AGPAT3: variants seen among roughly 807,000 people sequenced by gnomAD.
The protein encoded by AGPAT3 is 1-acylglycerol-3-phosphate O-acyltransferase 3.
AGPAT3 carries 5 observed loss-of-function variants against 47.3 expected under a neutral mutation model. That is an observed-to-expected ratio of 0.11 (90% CI 0.06 to 0.22). AGPAT3 has a LOEUF of 0.22. Ranked by LOEUF, AGPAT3 falls within the 10% of genes least tolerant of loss-of-function variation. The pLI is 1.00. For missense variants in AGPAT3, 315 were observed against 493.0 expected (o/e 0.64, Z 3.42); for synonymous variants, 212 against 208.3 (o/e 1.02, Z -0.15).
At position 43,967,926 on chromosome 21, in the gene AGPAT3, C is replaced by T. The variant is rs377075984; in HGVS notation, c.179-20C>T. 112 of 1,610,022 alleles carry T rather than the reference C, an allele frequency of 7.0e-5. No individual in the cohort carries two copies. Among genetic ancestry groups the T allele is most frequent in the Middle Eastern group, 1.6e-4 (1 of 6,068 alleles). On this transcript the variant is annotated intron_variant, in intron 3 of 9. Coordinates refer to ENST00000291572, the MANE Select transcript of AGPAT3 (RefSeq NM_020132.5). ...GGAGGAGGGGTCCTACCAGTGCCAACGCCCTCCCCCTGTCCGCAGAACTGG... is the reference window on the plus strand; with the variant it reads ...GGAGGAGGGGTCCTACCAGTGCCAATGCCCTCCCCCTGTCCGCAGAACTGG...
chr21:43,878,526 G>T (rs1343776971), intron 1 of AGPAT3, among the ~76,000 whole-genome samples: 1 of 152,220 alleles, frequency 6.6e-6, no homozygotes, highest in Admixed American at 6.5e-5. Context: ...AATATGATGG[G>T]CATCCTTGTA....
chr21:43,980,407 G>T (rs1463605484), intron 8 of AGPAT3, among the ~76,000 whole-genome samples: 1 of 152,240 alleles, frequency 6.6e-6, no homozygotes, highest in Non-Finnish European at 1.5e-5. Flanking sequence ...ATCAGGCATG[G>T]TGATTTCCTG....
chr21:43,869,060 CTT>C (rs554856917), intron 1 of AGPAT3, among the ~76,000 whole-genome samples: 329 of 152,366 alleles, frequency 2.2e-3, no homozygotes, highest in African/African-American at 7.7e-3. Flanking sequence ...CATTTAAACA[CTT>C]TTCACTTGTA....
At chr21:43,924,102 C>T (rs1401512565) in intron 2 of AGPAT3, among the ~76,000 whole-genome samples, 1 of 152,108 alleles carries the variant, frequency 6.6e-6, no homozygotes, top group African/African-American at 2.4e-5. Flanking sequence ...CTGCAAGCTC[C>T]ACCTCCTGGG....
intron 2 of AGPAT3, among the ~76,000 whole-genome samples, chr21:43,958,953 A>T (rs1477113151): frequency 1.8e-4 from 10 of 54,152 alleles, no homozygotes; most frequent in Non-Finnish European, 3.5e-5. Flanking sequence ...TGTGGCGTGT[A>T]TGTGGTTTTG....
At chr21:43,945,379 C>T (rs992055229) in intron 2 of AGPAT3, among the ~76,000 whole-genome samples, 2 of 152,230 alleles carry the variant, frequency 1.3e-5, no homozygotes, top group Non-Finnish European at 1.5e-5. Context: ...GGAGCATTTT[C>T]ATTCACATTA....
intron 2 of AGPAT3, among the ~76,000 whole-genome samples, chr21:43,907,229 A>T (rs181271405): frequency 1.6e-4 from 24 of 151,722 alleles, no homozygotes; most frequent in Non-Finnish European, 2.5e-4. Flanking sequence ...GGGTTTTGCC[A>T]TGTTGCCCAG....
At chr21:43,873,972 G>T (rs1321618447) in intron 1 of AGPAT3, among the ~76,000 whole-genome samples, 3 of 152,230 alleles carry the variant, frequency 2.0e-5, no homozygotes, top group African/African-American at 7.2e-5. Flanking sequence ...TTACTGAATT[G>T]AAACATTTTC....
intron 3 of AGPAT3, among the ~76,000 whole-genome samples, chr21:43,962,483 C>T (rs2088922894): frequency 6.6e-6 from 1 of 152,158 alleles, no homozygotes; most frequent in African/African-American, 2.4e-5. Flanking sequence ...TACTTTCTAG[C>T]AGTATTCTGA....
In AGPAT3 at chr21:43,985,342, G is replaced by A. The variant is rs76983019; in HGVS notation, c.*2950G>A. ...GCGCAGTCTGGTGGAAGAGATGAGCGCTGAACAAATCACTAAATAACACAA... is the reference window on the plus strand; with the variant it reads ...GCGCAGTCTGGTGGAAGAGATGAGCACTGAACAAATCACTAAATAACACAA... On this transcript the variant is annotated 3_prime_UTR_variant, in exon 10 of 10. Coordinates refer to ENST00000291572, the MANE Select transcript of AGPAT3 (RefSeq NM_020132.5). 0.031 allele frequency: 11,440 copies of A among 372,844 alleles called. 248 individuals carry two copies. Among genetic ancestry groups the A allele is most frequent in the Non-Finnish European group, 0.041 (7,746 of 186,780 alleles). The allele number at this position is 372,844 out of a possible 1,614,324, so 23.1% of individuals were successfully genotyped here.
intron 2 of AGPAT3, among the ~76,000 whole-genome samples, chr21:43,906,080 GA>G (rs927964413): frequency 1.3e-5 from 2 of 152,226 alleles, no homozygotes; most frequent in Admixed American, 1.3e-4. Flanking sequence ...TGGGGACAGG[GA>G]CATCACGGTT....
At chr21:43,911,485 C>G (rs1027780822) in intron 2 of AGPAT3, among the ~76,000 whole-genome samples, 21 of 152,274 alleles carry the variant, frequency 1.4e-4, no homozygotes, top group African/African-American at 5.1e-4. Flanking sequence ...CTGGCCCTCA[C>G]AGCTCCCTGG....
At chr21:43,943,042 A>T (rs962949753) in intron 2 of AGPAT3, among the ~76,000 whole-genome samples, 1 of 152,108 alleles carries the variant, frequency 6.6e-6, no homozygotes, top group Non-Finnish European at 1.5e-5. Flanking sequence ...GCCAGGGTGC[A>T]TGGTCATGCT....
intron 2 of AGPAT3, among the ~76,000 whole-genome samples, chr21:43,905,364 A>G (rs985790078): frequency 6.6e-6 from 1 of 151,794 alleles, no homozygotes; most frequent in Non-Finnish European, 1.5e-5. Flanking sequence ...TAATTTTTGT[A>G]TTTTTAGTAG....
At chr21:43,882,048 C>T (rs946825681) in intron 1 of AGPAT3, among the ~76,000 whole-genome samples, 25 of 152,388 alleles carry the variant, frequency 1.6e-4, no homozygotes, top group African/African-American at 5.5e-4. Context: ...TTGCAGCTCA[C>T]GTGTGTTTGC....
intron 2 of AGPAT3, among the ~76,000 whole-genome samples, chr21:43,931,141 AG>A (rs997825570): frequency 6.6e-5 from 10 of 152,080 alleles, no homozygotes; most frequent in African/African-American, 2.4e-4. Flanking sequence ...ACACTGGATG[AG>A]GGGGAGTGTC....
intron 2 of AGPAT3, among the ~76,000 whole-genome samples, chr21:43,915,715 A>G (rs567010403): frequency 1.3e-5 from 2 of 152,170 alleles, no homozygotes; most frequent in Admixed American, 6.6e-5. Context: ...CTGGGCCTTG[A>G]TTAGCTTTTT....
In AGPAT3 at chr21:43,930,154, C is replaced by G. The variant is rs762713998; in HGVS notation, c.-49+26135C>G. Among the ~76,000 whole-genome samples the G allele has an allele frequency of 6.6e-6, 1 of 152,236 alleles. No individual in the cohort carries two copies. The highest frequency in any genetic ancestry group is 1.9e-4 in the East Asian group (1 of 5,200). On this transcript the variant is annotated intron_variant, in intron 2 of 9. Coordinates refer to ENST00000291572, the MANE Select transcript of AGPAT3 (RefSeq NM_020132.5). This position sits in a 1 kb window ranked among gnomAD's most constrained non-coding sequence, Gnocchi z 5.0. ...TGGGGAATAGAGTTATCAACCGTCACTCCACGGAGAGTCTAAGGCAGAGAG... is the reference window on the plus strand; with the variant it reads ...TGGGGAATAGAGTTATCAACCGTCAGTCCACGGAGAGTCTAAGGCAGAGAG...
intron 1 of AGPAT3, among the ~76,000 whole-genome samples, chr21:43,885,802 C>T (rs893067384): frequency 1.3e-5 from 2 of 150,668 alleles, no homozygotes; most frequent in Admixed American, 6.7e-5. Flanking sequence ...GTGGCACAGG[C>T]GAGGGGAGCC....
Sources: allele counts gnomAD v4.1 joint callset (sites outside exome capture counted in the v4.1 genomes callset), GRCh38; gene constraint gnomAD v4.1.1; non-coding constraint Gnocchi (gnomAD v3.1); transcripts MANE v1.5; gene names NCBI Gene and HGNC (gene_info 2026-07-23, HGNC 2026-07-21).